RALGAPA2: variants seen among roughly 807,000 people sequenced by gnomAD.
The protein encoded by RALGAPA2 is Ral GTPase activating protein catalytic subunit alpha 2.
A neutral mutation model predicts 230.4 loss-of-function variants in RALGAPA2; 139 were observed. The ratio of observed to expected loss-of-function variants is 0.60; its 90% CI spans 0.53 to 0.69. The LOEUF is 0.69. RALGAPA2 is among the 30% of genes least tolerant of loss of function. RALGAPA2 has a pLI of 0.00. For synonymous variants in RALGAPA2, 847 were observed against 837.8 expected (o/e 1.01, Z -0.19); for missense variants, 2,163 against 2,276.0 (o/e 0.95, Z 1.01).
intron 18 of RALGAPA2, among the ~76,000 whole-genome samples, chr20:20,588,481 G>C (rs1368738198): frequency 6.6e-6 from 1 of 152,204 alleles, no homozygotes; most frequent in Non-Finnish European, 1.5e-5. Flanking sequence ...ACAAAGCCAA[G>C]ATAAGGCCCC....
At chr20:20,622,917 G>A (rs2066366127) in intron 10 of RALGAPA2, among the ~76,000 whole-genome samples, 1 of 152,080 alleles carries the variant, frequency 6.6e-6, no homozygotes, top group Non-Finnish European at 1.5e-5. Flanking sequence ...TATAAACTGA[G>A]GAGTAAATAG....
intron 36 of RALGAPA2, among the ~76,000 whole-genome samples, chr20:20,493,675 T>C (rs2062125871): frequency 1.3e-5 from 2 of 152,164 alleles, no homozygotes; most frequent in Admixed American, 1.3e-4. Flanking sequence ...AAGAAACACA[T>C]TTCCTCTTTT....
intron 13 of RALGAPA2, among the ~76,000 whole-genome samples, chr20:20,614,156 G>C (rs1320500322): frequency 6.6e-6 from 1 of 152,008 alleles, no homozygotes; most frequent in Admixed American, 6.6e-5. Flanking sequence ...AAATACACAA[G>C]AAAATCCATT....
chr20:20,633,130 C>T (rs1196674699), intron 9 of RALGAPA2, among the ~76,000 whole-genome samples: 2 of 144,236 alleles, frequency 1.4e-5, no homozygotes, highest in Non-Finnish European at 1.5e-5. Flanking sequence ...TCTTTCTTTT[C>T]TTTCTTTCTT....
At chr20:20,655,123 T>A (rs1318614452) in intron 3 of RALGAPA2, among the ~76,000 whole-genome samples, 2 of 152,214 alleles carry the variant, frequency 1.3e-5, no homozygotes, top group African/African-American at 2.4e-5. Flanking sequence ...CTAATGTTAC[T>A]ACACGATAAT....
At chr20:20,572,497 A>C (rs750565349) in intron 21 of RALGAPA2, among the ~76,000 whole-genome samples, 5 of 151,970 alleles carry the variant, frequency 3.3e-5, no homozygotes, top group Non-Finnish European at 7.4e-5. Context: ...TTTCATAAAA[A>C]GAAAGAAGAC....
chr20:20,497,211 TTTTC>T (rs2062235302), intron 35 of RALGAPA2, among the ~76,000 whole-genome samples: 1 of 152,244 alleles, frequency 6.6e-6, no homozygotes, highest in African/African-American at 2.4e-5. Context: ...GCTACAGCTT[TTTTC>T]TTTTTCCTTT....
At chr20:20,494,470 C>CTGCAT (rs2062148145) in intron 36 of RALGAPA2, among the ~76,000 whole-genome samples, 1 of 152,226 alleles carries the variant, frequency 6.6e-6, no homozygotes, top group African/African-American at 2.4e-5. Flanking sequence ...AAAGGTATGA[C>CTGCAT]AAGGATCGAA....
intron 24 of RALGAPA2, among the ~76,000 whole-genome samples, chr20:20,540,134 A>C (rs1438044411): frequency 6.6e-6 from 1 of 152,196 alleles, no homozygotes; most frequent in African/African-American, 2.4e-5. Context: ...CAGAAGTGGG[A>C]TTGCTGGGTC....
At chr20:20,586,528 A>G (rs2065138662) in intron 18 of RALGAPA2, among the ~76,000 whole-genome samples, 1 of 152,238 alleles carries the variant, frequency 6.6e-6, no homozygotes, top group Admixed American at 6.5e-5. Context: ...TCAGATTTAG[A>G]TCCCCCAAGG....
intron 38 of RALGAPA2, among the ~76,000 whole-genome samples, chr20:20,409,542 T>C (rs558365479): frequency 2.8e-4 from 43 of 152,314 alleles, no homozygotes; most frequent in Admixed American, 2.4e-3. Flanking sequence ...TCAGGGTCAA[T>C]TTTTCCAGTT....
chr20:20,642,740 C>A (rs563562832), intron 5 of RALGAPA2, among the ~76,000 whole-genome samples: 1 of 152,082 alleles, frequency 6.6e-6, no homozygotes, highest in Non-Finnish European at 1.5e-5. Flanking sequence ...CTAGGAATAA[C>A]TCACTTCGTT....
intron 37 of RALGAPA2, among the ~76,000 whole-genome samples, chr20:20,423,406 G>A (rs1333297860): frequency 6.6e-6 from 1 of 152,178 alleles, no homozygotes; most frequent in Non-Finnish European, 1.5e-5. Context: ...GGGCAGAAGT[G>A]AAAGAACAGT....
intron 30 of RALGAPA2, among the ~76,000 whole-genome samples, chr20:20,521,679 C>G: frequency 6.6e-6 from 1 of 152,136 alleles, no homozygotes; most frequent in East Asian, 1.9e-4. Flanking sequence ...CACATACAAG[C>G]CATGCAAACA....
At chr20:20,462,361 T>C (rs1187007355) in intron 37 of RALGAPA2, among the ~76,000 whole-genome samples, 1 of 152,180 alleles carries the variant, frequency 6.6e-6, no homozygotes, top group Non-Finnish European at 1.5e-5. Context: ...CAAAACACAA[T>C]GTAAACATTA....
At chr20:20,700,323 G>A (rs1376064296) in intron 1 of RALGAPA2, among the ~76,000 whole-genome samples, 1 of 152,056 alleles carries the variant, frequency 6.6e-6, no homozygotes, top group East Asian at 1.9e-4. Context: ...AGGGAGTGGG[G>A]TATGAGTTGA....
At chr20:20,462,072 T>C (rs932113876) in intron 37 of RALGAPA2, among the ~76,000 whole-genome samples, 2 of 152,150 alleles carry the variant, frequency 1.3e-5, no homozygotes, top group Non-Finnish European at 2.9e-5. Context: ...AAGAGGAAGA[T>C]TGAAGACCGA....
chr20:20,452,160 C>T (rs2061001532), intron 37 of RALGAPA2, among the ~76,000 whole-genome samples: 1 of 152,136 alleles, frequency 6.6e-6, no homozygotes, highest in Non-Finnish European at 1.5e-5. Flanking sequence ...AAAAATTCCC[C>T]ATATAGAGAG....
intron 37 of RALGAPA2, among the ~76,000 whole-genome samples, chr20:20,459,425 C>CT (rs11476592): frequency 0.015 from 2,004 of 129,578 alleles, 15 homozygotes; most frequent in African/African-American, 0.032. Context: ...GGTTTTTTTG[C>CT]TTTTTTTTTT....
Sources: gnomAD v4.1 joint callset for allele counts (sites outside exome capture counted in the v4.1 genomes callset) on GRCh38, gnomAD v4.1.1 for gene constraint, MANE v1.5 for transcripts, NCBI Gene and HGNC (gene_info 2026-07-23, HGNC 2026-07-21) for gene names.